Variants in PDIA5 observed in about 807,000 individuals in gnomAD.
PDIA5 encodes protein disulfide-isomerase A5.
PDIA5 carries 58 observed loss-of-function variants against 77.6 expected under a neutral mutation model. The observed-to-expected ratio is 0.75, with a 90% CI of 0.61 to 0.93. The LOEUF is 0.93. Among genes scored for constraint, PDIA5 ranks in the 40% least tolerant of loss-of-function variants. The pLI, the probability that PDIA5 is intolerant of heterozygous loss-of-function variation, is 0.00. For missense variants in PDIA5, 630 were observed against 647.7 expected, an observed-to-expected ratio of 0.97 and a Z score of 0.30; for synonymous variants, 250 against 252.1, an observed-to-expected ratio of 0.99 and a Z score of 0.08.
intron 7 of PDIA5, 93 bp from the exon 8 acceptor site, chr3:123,116,138 T>C: frequency 2.1e-6 from 2 of 973,812 alleles, no homozygotes; most frequent in South Asian, 2.6e-5. Context: ...TAAGTGCTTG[T>C]TGGGTAGAGG....
chr3:123,085,932 G>A (rs760334904), intron 1 of PDIA5, among the ~76,000 whole-genome samples: 3 of 152,180 alleles, frequency 2.0e-5, no homozygotes, highest in Non-Finnish European at 4.4e-5. Context: ...TAGCTCCCTG[G>A]GAGTAGTAGG....
In PDIA5 at chr3:123,150,253, C is replaced by A. The variant is rs766659997; in HGVS notation, c.1162C>A (p.Pro388Thr). 115 of 1,613,358 alleles carry A rather than the reference C, an allele frequency of 7.1e-5. 1 individual carries two copies. The highest frequency in any genetic ancestry group is 9.4e-5 in the Non-Finnish European group (111 of 1,179,528). ...WMQNPEAPPP[P>T]EPTWEEQQTS... ...TTGCAGCCCTGAGGCCCCCCCGCCCCCAGAGCCCACGTGGGAAGAGCAGCA... is the reference window on the plus strand; with the variant it reads ...TTGCAGCCCTGAGGCCCCCCCGCCCACAGAGCCCACGTGGGAAGAGCAGCA... The change falls in exon 14 of 17, where the codon CCA (proline) becomes ACA (threonine). Residue 388 changes from proline (P) to threonine (T), a missense_variant. Transcript: ENST00000316218.
chr3:123,103,120 T>A (rs1326910130), intron 5 of PDIA5, among the ~76,000 whole-genome samples: 3 of 152,180 alleles, frequency 2.0e-5, no homozygotes, highest in African/African-American at 7.2e-5. Context: ...CTCATCTCTG[T>A]GGTAGTGGCC....
chr3:123,081,746 G>A (rs548033799), intron 1 of PDIA5, among the ~76,000 whole-genome samples: 79 of 152,298 alleles, frequency 5.2e-4, no homozygotes, highest in Middle Eastern at 3.4e-3. Context: ...GCATTGAATA[G>A]TAAATCTATA....
rs1273562913 is a variant in PDIA5, at chr3:123,131,635, A to C, written c.910+1019A>C. ...CCTTCTGTCTGCTTCACCTCATTGC[A>C]TTCTCATTCTGAAATGACCACAGTG... On this transcript the variant is annotated intron_variant, in intron 11 of 16. Transcript: ENST00000316218. Among the ~76,000 whole-genome samples the C allele has an allele frequency of 2.7e-5, 4 of 148,590 alleles. No individual in the cohort carries two copies. The Admixed American group carries it at 2.7e-4, about 10-fold the overall frequency.
intron 11 of PDIA5, chr3:123,145,197 A>C (rs1201730421): frequency 4.0e-6 from 1 of 250,742 alleles, no homozygotes; most frequent in Admixed American, 5.3e-5. Flanking sequence ...TGGTGCCTCA[A>C]TTGTCTAATC....
At chr3:123,101,673 C>T (rs1041886320) in intron 3 of PDIA5, among the ~76,000 whole-genome samples, 1 of 152,160 alleles carries the variant, frequency 6.6e-6, no homozygotes, top group South Asian at 2.1e-4. Context: ...CCACCCCCAA[C>T]AGAGATTCCA....
intron 3 of PDIA5, among the ~76,000 whole-genome samples, chr3:123,096,234 T>G (rs151322860): frequency 1.6e-4 from 24 of 152,108 alleles, no homozygotes; most frequent in African/African-American, 5.5e-4. Context: ...GGTCTCACTC[T>G]GTTGCCCAGG....
At chr3:123,086,468 T>A (rs1243339733) in intron 1 of PDIA5, among the ~76,000 whole-genome samples, 1 of 152,244 alleles carries the variant, frequency 6.6e-6, no homozygotes, top group African/African-American at 2.4e-5. Flanking sequence ...AGACTGGGAT[T>A]CAGATCCTGG....
intron 7 of PDIA5, among the ~76,000 whole-genome samples, chr3:123,115,658 C>G (rs1223947779): frequency 6.6e-6 from 1 of 152,236 alleles, no homozygotes; most frequent in South Asian, 2.1e-4. Context: ...CCTGGCCTGA[C>G]GCTCTTCCCA....
chr3:123,072,780 C>T (rs1047088476), intron 1 of PDIA5, among the ~76,000 whole-genome samples: 4 of 152,180 alleles, frequency 2.6e-5, no homozygotes, highest in African/African-American at 9.7e-5. Context: ...TTGTGTCTTG[C>T]TTGGTGGTTG....
At chr3:123,156,698 G>A (rs1451517794) in intron 15 of PDIA5, among the ~76,000 whole-genome samples, 1 of 152,214 alleles carries the variant, frequency 6.6e-6, no homozygotes, top group Non-Finnish European at 1.5e-5. Flanking sequence ...CAGGAGATCT[G>A]TGAGGGTCCT....
intron 1 of PDIA5, among the ~76,000 whole-genome samples, chr3:123,082,593 G>A (rs1934037911): frequency 6.6e-6 from 1 of 152,090 alleles, no homozygotes; most frequent in Non-Finnish European, 1.5e-5. Context: ...CTTCCTGCCT[G>A]GACCTGCTGC....
At position 123,138,759 on chromosome 3, in the gene PDIA5, C is replaced by T. The variant is rs534128582; in HGVS notation, c.911-6763C>T. Reference sequence around the variant, plus strand: ...TCTGAGGTCTCTGTAGGCCCCTCCACGCCCGTATTTCTGCTGGCATTTGTA... The same window carrying T: ...TCTGAGGTCTCTGTAGGCCCCTCCATGCCCGTATTTCTGCTGGCATTTGTA... On this transcript the variant is annotated intron_variant, in intron 11 of 16. Coordinates refer to ENST00000316218, the MANE Select transcript of PDIA5 (RefSeq NM_006810.4). 1.6e-4 allele frequency among the ~76,000 whole-genome samples: 24 copies of T among 152,220 alleles called. 1 individual carries two copies. The highest frequency in any genetic ancestry group is 3.1e-4 in the African/African-American group (13 of 41,530).
Position 123,100,419 on chromosome 3 carries a change from T to A in PDIA5, c.258-1992T>A, listed in dbSNP as rs140099171. ...TGCCTTCTCCATTTGGAGAGCCCAC[T>A]CCCAGCTTGCCCCTTCTCTCTGGAC... On this transcript the variant is annotated intron_variant, in intron 3 of 16. Transcript: ENST00000316218. Among the ~76,000 whole-genome samples, 131 of 152,358 alleles carry A rather than the reference T, an allele frequency of 8.6e-4. No homozygotes were observed. The East Asian group carries it at 0.022, about 26-fold the overall frequency.
At chr3:123,086,550 C>A (rs1175176028) in intron 1 of PDIA5, among the ~76,000 whole-genome samples, 1 of 152,224 alleles carries the variant, frequency 6.6e-6, no homozygotes, top group Non-Finnish European at 1.5e-5. Context: ...AATTAACACT[C>A]CTCTCAGTAT....
At chr3:123,129,353 T>C (rs564392743) in intron 10 of PDIA5, among the ~76,000 whole-genome samples, 1 of 152,228 alleles carries the variant, frequency 6.6e-6, no homozygotes, top group Non-Finnish European at 1.5e-5. Context: ...TGGGAGGCCA[T>C]GGTGGCCAGT....
chr3:123,159,703 T>C (rs1164382637), intron 15 of PDIA5, among the ~76,000 whole-genome samples: 2 of 152,240 alleles, frequency 1.3e-5, no homozygotes, highest in Non-Finnish European at 2.9e-5. Context: ...GGCAGCAAGT[T>C]TGTAAACTCC....
intron 1 of PDIA5, among the ~76,000 whole-genome samples, chr3:123,071,461 G>A (rs1933721163): frequency 6.6e-6 from 1 of 152,144 alleles, no homozygotes; most frequent in Admixed American, 6.5e-5. Context: ...CACTTATTTA[G>A]GTTCTGTACT....
Sources: gnomAD v4.1 joint callset for allele counts (sites outside exome capture counted in the v4.1 genomes callset) on GRCh38, gnomAD v4.1.1 for gene constraint, MANE v1.5 for transcripts, NCBI Gene and HGNC (gene_info 2026-07-23, HGNC 2026-07-21) for gene names.